Variants in FBN2 observed in about 807,000 individuals in gnomAD.
The protein encoded by FBN2 is fibrillin-2.
In FBN2, 105 loss-of-function variants were observed where a neutral mutation model predicts 355.6. That is an observed-to-expected ratio of 0.30 (90% CI 0.25 to 0.35). FBN2 has a LOEUF of 0.35. Ranked by LOEUF, FBN2 falls within the 10% of genes least tolerant of loss-of-function variation. The pLI is 1.00. For synonymous variants in FBN2, 1,350 were observed against 1,301.2 expected (o/e 1.04, Z -0.81); for missense variants, 3,280 against 3,758.7 (o/e 0.87, Z 3.33).
intron 5 of FBN2, among the ~76,000 whole-genome samples, chr5:128,482,241 T>C (rs1033342837): frequency 3.3e-5 from 5 of 152,126 alleles, no homozygotes; most frequent in African/African-American, 1.2e-4. Flanking sequence ...GTTTACTTTG[T>C]CTGAGTCTTG....
chr5:128,388,192 G>A (rs371729429), intron 11 of FBN2, among the ~76,000 whole-genome samples: 6 of 152,152 alleles, frequency 3.9e-5, no homozygotes, highest in African/African-American at 9.6e-5. Flanking sequence ...CATTTGCTTG[G>A]TAGCTTTTTA....
intron 3 of FBN2, among the ~76,000 whole-genome samples, 157 bp downstream of exon 3, chr5:128,530,438 T>A (rs1487495378): frequency 6.6e-6 from 1 of 152,228 alleles, no homozygotes; most frequent in Non-Finnish European, 1.5e-5. Context: ...TACTTTGCTA[T>A]TCTGTAAAAT....
intron 5 of FBN2, among the ~76,000 whole-genome samples, chr5:128,465,972 T>C (rs974045471): frequency 2.0e-5 from 3 of 152,202 alleles, no homozygotes; most frequent in African/African-American, 4.8e-5. Flanking sequence ...AGGGCTGATA[T>C]AGACTGCAGG....
intron 31 of FBN2, among the ~76,000 whole-genome samples, chr5:128,334,170 G>A (rs1489350984): frequency 6.6e-6 from 1 of 151,872 alleles, no homozygotes; most frequent in Admixed American, 6.6e-5. Context: ...GAGCAAAGAA[G>A]GAAAGTGAAG....
intron 8 of FBN2, among the ~76,000 whole-genome samples, chr5:128,396,975 T>C (rs1752667408): frequency 6.6e-6 from 1 of 152,174 alleles, no homozygotes; most frequent in East Asian, 1.9e-4. Flanking sequence ...TAATGGCCCA[T>C]ATATAGCATG....
intron 49 of FBN2, 105 bp from the exon 50 acceptor site, chr5:128,290,989 G>A (rs1749306415): frequency 9.2e-7 from 1 of 1,084,934 alleles, no homozygotes; most frequent in Non-Finnish European, 1.4e-6. Context: ...CAGCAGTTAA[G>A]GCAGGTCTGG....
In FBN2 at chr5:128,386,665, T is replaced by C. The variant is rs139108479; in HGVS notation, c.1603+5353A>G. Reference sequence around the variant, plus strand: ...TTCCTATCTATGAGCATGGAATGTTTTTCCATTTGTTTGTGTTGTCTCTGA... The same window carrying C: ...TTCCTATCTATGAGCATGGAATGTTCTTCCATTTGTTTGTGTTGTCTCTGA... On this transcript the variant is annotated intron_variant, in intron 11 of 64. Coordinates refer to ENST00000262464, the MANE Select transcript of FBN2 (RefSeq NM_001999.4). Among the ~76,000 whole-genome samples, 1,003 of 152,244 alleles carry C rather than the reference T, an allele frequency of 6.6e-3. 9 individuals carry two copies. The highest frequency in any genetic ancestry group is 0.023 in the African/African-American group (952 of 41,548).
In FBN2 at chr5:128,278,616, A is replaced by C; in HGVS notation, c.7345+19T>G. On this transcript the variant is annotated intron_variant, in intron 57 of 64. Transcript: ENST00000262464. Reference sequence around the variant, plus strand: ...ATTTAATGTGTTGATTATATGAATAAATTTCCTCAACTCCTTACCTCTTCC... The same window carrying C: ...ATTTAATGTGTTGATTATATGAATACATTTCCTCAACTCCTTACCTCTTCC... 1.2e-6 allele frequency: 2 copies of C among 1,606,274 alleles called. No individual in the cohort carries two copies. Among genetic ancestry groups the C allele is most frequent in the Non-Finnish European group, 1.7e-6 (2 of 1,172,888 alleles).
At position 128,359,579 on chromosome 5, in the gene FBN2, T is replaced by A. The variant is rs1004617171; in HGVS notation, c.2554+2144A>T. On this transcript the variant is annotated intron_variant, in intron 19 of 64. Coordinates refer to ENST00000262464, the MANE Select transcript of FBN2 (RefSeq NM_001999.4). Reference sequence around the variant, plus strand: ...TGTCATAAGGCTGGAGCCAAAAGAGTTGTCTATCATTTCTTCTTTATTTAC... The same window carrying A: ...TGTCATAAGGCTGGAGCCAAAAGAGATGTCTATCATTTCTTCTTTATTTAC... Among the ~76,000 whole-genome samples, 11 of 151,944 alleles carry A rather than the reference T, an allele frequency of 7.2e-5. No individual in the cohort carries two copies. In the South Asian group the frequency reaches 8.3e-4, roughly 11 times the overall value.
At chr5:128,448,977 A>G (rs1195018716) in intron 6 of FBN2, among the ~76,000 whole-genome samples, 1 of 152,226 alleles carries the variant, frequency 6.6e-6, no homozygotes, top group South Asian at 2.1e-4. Flanking sequence ...AAGCATTAAT[A>G]AAGAATTTTT....
At position 128,393,293 on chromosome 5, in the gene FBN2, C is replaced by T; in HGVS notation, c.1307G>A (p.Gly436Asp). The T allele has an allele frequency of 1.2e-6, 2 of 1,614,180 alleles. No individual in the cohort carries two copies. The highest frequency in any genetic ancestry group is 1.7e-6 in the Non-Finnish European group (2 of 1,180,014). ...TGGGGCAAAGCCATTTCCCCCAGTG[C>T]CTCCAGGTCTGGAACCAGCACTCCC... ...IPGSAGSRPG[G>D]TGGNGFAPSG... Residue 436 changes from glycine to aspartate, a missense_variant, in exon 10 of 65, where the codon GGC becomes GAC. Transcript: ENST00000262464.
At position 128,345,598 on chromosome 5, in the gene FBN2, G is replaced by A. The variant is rs377500777; in HGVS notation, c.2990-14C>T. 8.9e-5 allele frequency: 143 copies of A among 1,599,334 alleles called. No individual in the cohort carries two copies. Among genetic ancestry groups the A allele is most frequent in the Middle Eastern group, 1.7e-4 (1 of 6,036 alleles). Reference sequence around the variant, plus strand: ...CCATGCGAATATCTACACCGAGAACGAAATCACAGGGTGAGAATGAGTTGA... The same window carrying A: ...CCATGCGAATATCTACACCGAGAACAAAATCACAGGGTGAGAATGAGTTGA... On this transcript the variant is annotated splice_polypyrimidine_tract_variant and intron_variant, in intron 23 of 64. Coordinates refer to ENST00000262464, the MANE Select transcript of FBN2 (RefSeq NM_001999.4).
rs758588318 is a variant in FBN2, at chr5:128,278,827, G to T, written c.7153C>A (p.Leu2385Ile). 1 of 1,613,630 alleles carries T rather than the reference G, an allele frequency of 6.2e-7. No individual in the cohort carries two copies. Among genetic ancestry groups the T allele is most frequent in the Non-Finnish European group, 8.5e-7 (1 of 1,179,858 alleles). ...GTCTGCAGTACCTCTGCAAAGCAGA[G>T]ACCCTGTCGATTGTCTGAAATGGCA... ...GTECLDNRQG[L>I]CFAEVLQTIC... Residue 2385 changes from leucine (L) to isoleucine (I), a missense_variant, in exon 57 of 65, where the codon CTC (leucine) becomes ATC (isoleucine). By Grantham distance (5) the Leu-to-Ile change is conservative. Transcript: ENST00000262464.
intron 5 of FBN2, among the ~76,000 whole-genome samples, chr5:128,489,718 AATT>A (rs150643789): frequency 0.026 from 3,958 of 152,304 alleles, 187 homozygotes; most frequent in African/African-American, 0.091. Flanking sequence ...AAGTAGGTGT[AATT>A]ATTATACTCA....
At chr5:128,339,120 A>G (rs1321419761) in intron 25 of FBN2, 59 bp from the exon 26 acceptor site, 3 of 1,575,442 alleles carry the variant, frequency 1.9e-6, no homozygotes, top group Non-Finnish European at 2.6e-6. Context: ...TGGCCTTCCA[A>G]GCGAAGGTGC....
rs150662486 is a variant in FBN2, at chr5:128,510,941, G to A, written c.628+8332C>T. 3.5e-3 allele frequency among the ~76,000 whole-genome samples: 537 copies of A among 152,238 alleles called. 2 individuals are homozygous for A. The highest frequency in any genetic ancestry group is 4.7e-3 in the Non-Finnish European group (323 of 68,016). On this transcript the variant is annotated intron_variant, in intron 5 of 64. Transcript: ENST00000262464. ...CCAATCCTACTTTCTTATTAGCTGA[G>A]TTAACATGAGAAAATTGCTTCACTT...
chr5:128,500,430 CTTTTTT>C (rs149068555), intron 5 of FBN2, among the ~76,000 whole-genome samples: 2 of 51,192 alleles, frequency 3.9e-5, no homozygotes, highest in Admixed American at 2.3e-4. Context: ...TCTGACAATT[CTTTTTT>C]TTTTTTTTTT....
chr5:128,412,353 G>A (rs1753091771), intron 7 of FBN2, among the ~76,000 whole-genome samples: 1 of 152,198 alleles, frequency 6.6e-6, no homozygotes, highest in Non-Finnish European at 1.5e-5. Flanking sequence ...GGGACACCTA[G>A]TGGAAGAGAG....
At chr5:128,484,731 G>A (rs988403493) in intron 5 of FBN2, among the ~76,000 whole-genome samples, 1 of 152,192 alleles carries the variant, frequency 6.6e-6, no homozygotes, top group African/African-American at 2.4e-5. Flanking sequence ...TCTGTTCACA[G>A]TGGAGGAAAG....
Sources: gnomAD v4.1 joint callset for allele counts (sites outside exome capture counted in the v4.1 genomes callset) on GRCh38, gnomAD v4.1.1 for gene constraint, MANE v1.5 for transcripts, NCBI Gene and HGNC (gene_info 2026-07-23, HGNC 2026-07-21) for gene names.